The following CLIC4 variants were observed in gnomAD, a reference collection of about 807,000 sequenced individuals.
CLIC4 encodes the protein CLIC family member 4.
Under a neutral mutation model 24.6 loss-of-function variants are expected in CLIC4, and 13 were observed. The observed-to-expected ratio is 0.53, with a 90% CI of 0.34 to 0.84. CLIC4 has a LOEUF of 0.84. Among genes scored for constraint, CLIC4 ranks in the 40% least tolerant of loss-of-function variants. The pLI is 0.01. For missense variants in CLIC4, 227 were observed against 301.7 expected (o/e 0.75, Z 1.83); for synonymous variants, 104 against 111.3 (o/e 0.93, Z 0.41).
Position 24,745,547 on chromosome 1 carries a change from G to A in CLIC4, c.-7G>A, listed in dbSNP as rs549282878. ...CTCGCCGTTCGCGGAGCGCAGCCGA[G>A]CCGGCCATGGCGTTGTCGATGCCGC... is the stretch of plus-strand genomic sequence containing the variant. On this transcript the variant is annotated 5_prime_UTR_variant, in exon 1 of 6. Coordinates refer to ENST00000374379, the MANE Select transcript of CLIC4 (RefSeq NM_013943.3). 1.3e-6 allele frequency: 2 copies of A among 1,583,712 alleles called. No individual in the cohort carries two copies. Among genetic ancestry groups the A allele is most frequent in the Non-Finnish European group, 1.7e-6 (2 of 1,168,420 alleles).
intron 1 of CLIC4, among the ~76,000 whole-genome samples, chr1:24,764,840 G>T (rs1378347777): frequency 6.6e-6 from 1 of 151,998 alleles, no homozygotes; most frequent in Non-Finnish European, 1.5e-5. Flanking sequence ...TCTCACTGCA[G>T]GTTTGTTGTT....
intron 1 of CLIC4, among the ~76,000 whole-genome samples, chr1:24,770,534 G>A (rs1206642459): frequency 1.3e-5 from 2 of 152,014 alleles, no homozygotes; most frequent in African/African-American, 2.4e-5. Flanking sequence ...TAGTCTTATA[G>A]TCTGCCTGCC....
chr1:24,749,532 GTT>G (rs971836609), intron 1 of CLIC4, among the ~76,000 whole-genome samples: 3 of 152,152 alleles, frequency 2.0e-5, no homozygotes, highest in African/African-American at 7.2e-5. Context: ...CTTGTGAGTA[GTT>G]TTTGGAGTTG....
At chr1:24,746,565 A>C (rs1178052151) in intron 1 of CLIC4, among the ~76,000 whole-genome samples, 1 of 152,284 alleles carries the variant, frequency 6.6e-6, no homozygotes, top group South Asian at 2.1e-4. Flanking sequence ...CTTAAAAAAA[A>C]CACTTTGAGC....
chr1:24,809,480 C>A (rs1639589907), intron 2 of CLIC4, among the ~76,000 whole-genome samples: 1 of 151,988 alleles, frequency 6.6e-6, no homozygotes, highest in African/African-American at 2.4e-5. Context: ...TTTAAAAATA[C>A]TATTTTTGGA....
intron 1 of CLIC4, among the ~76,000 whole-genome samples, chr1:24,765,972 C>T (rs1189499450): frequency 2.0e-5 from 3 of 151,560 alleles, no homozygotes; most frequent in South Asian, 4.2e-4. Flanking sequence ...CCATCATGCC[C>T]GGCTAATTTT....
chr1:24,814,622 G>A (rs1639650864), intron 3 of CLIC4, among the ~76,000 whole-genome samples: 1 of 152,194 alleles, frequency 6.6e-6, no homozygotes, highest in South Asian at 2.1e-4. Context: ...TTTGATTTCA[G>A]TTCATTTTAA....
At chr1:24,823,450 G>A (rs2124163418) in intron 3 of CLIC4, among the ~76,000 whole-genome samples, 1 of 152,296 alleles carries the variant, frequency 6.6e-6, no homozygotes, top group Admixed American at 6.5e-5. Context: ...GGAGGGGCAT[G>A]CTATAAAATG....
rs575860545 is a variant in CLIC4, at chr1:24,788,185, G to T, written c.73-9557G>T. The stretch of plus-strand genomic sequence containing the variant: ...TATTTTTTAGTAGAAATGGGGTTTC[G>T]CTATATGTTGGCCAGGCTGATCTCG... On this transcript the variant is annotated intron_variant, in intron 1 of 5. Coordinates refer to ENST00000374379, the MANE Select transcript of CLIC4 (RefSeq NM_013943.3). Among the ~76,000 whole-genome samples, 5 of 151,460 alleles carry T rather than the reference G, an allele frequency of 3.3e-5. No individual in the cohort carries two copies. In the South Asian group the frequency reaches 1.0e-3, roughly 32 times the overall value.
chr1:24,802,057 G>T (rs530833355), intron 2 of CLIC4, among the ~76,000 whole-genome samples: 1 of 152,126 alleles, frequency 6.6e-6, no homozygotes, highest in African/African-American at 2.4e-5. Flanking sequence ...CACCCTTACT[G>T]TGTCCTAAAA....
intron 2 of CLIC4, among the ~76,000 whole-genome samples, chr1:24,800,492 G>A (rs943880682): frequency 1.4e-4 from 21 of 151,524 alleles, no homozygotes; most frequent in African/African-American, 4.6e-4. Flanking sequence ...GAGGTGAGGG[G>A]CGCCTCTGCC....
At chr1:24,753,162 A>C (rs777632390) in intron 1 of CLIC4, among the ~76,000 whole-genome samples, 3 of 152,196 alleles carry the variant, frequency 2.0e-5, no homozygotes, top group African/African-American at 7.2e-5. Context: ...ACTGTTCTAA[A>C]AGAAGTAAAT....
rs1639421329 is a variant in CLIC4 at position 24,797,790 on chromosome 1, CTCT to C, written c.124_126del (p.Phe42del). ...AGGAAACTGCCCCTTTTCCCAGAGG[CTCT>C]TCATGATTCTTTGGCTCAAAGGAGT... On this transcript the variant is annotated inframe_deletion, in exon 2 of 6. Transcript: ENST00000374379. 3.7e-6 allele frequency: 6 copies of C among 1,613,594 alleles called. No homozygotes were observed. The highest frequency in any genetic ancestry group is 5.1e-6 in the Non-Finnish European group (6 of 1,179,828).
chr1:24,801,814 G>A (rs1639492759), intron 2 of CLIC4, among the ~76,000 whole-genome samples: 1 of 152,128 alleles, frequency 6.6e-6, no homozygotes, highest in Non-Finnish European at 1.5e-5. Context: ...AAGCCATAAA[G>A]TCATCAAGGA....
chr1:24,790,494 TG>T (rs1471581049), intron 1 of CLIC4, among the ~76,000 whole-genome samples: 14 of 152,236 alleles, frequency 9.2e-5, no homozygotes, highest in African/African-American at 3.1e-4. Context: ...TAGATGGTAG[TG>T]AGTTTCTTAG....
intron 2 of CLIC4, among the ~76,000 whole-genome samples, chr1:24,800,381 C>T (rs1339307274): frequency 1.4e-5 from 2 of 140,472 alleles, no homozygotes; most frequent in Non-Finnish European, 3.1e-5. Flanking sequence ...CCGCCCCGTC[C>T]GGGAGGGAGG....
rs1571262979 is a variant in CLIC4, at chr1:24,824,125, T to C, written c.309-2885T>C. 2.0e-5 allele frequency among the ~76,000 whole-genome samples: 3 copies of C among 152,236 alleles called. No individual in the cohort carries two copies. In the East Asian group the frequency reaches 5.8e-4, roughly 29 times the overall value. ...ATAATGCATAAATTACAATGTAATG[T>C]TTGGGGAAGATGCAAAAAAGTTGAT... On this transcript the variant is annotated intron_variant, in intron 3 of 5. Transcript: ENST00000374379.
rs368045756 is a variant in CLIC4, at chr1:24,745,654, G to A, written c.72+29G>A. The A allele has an allele frequency of 5.9e-6, 9 of 1,520,928 alleles. No individual in the cohort carries two copies. In the African/African-American group the frequency reaches 1.0e-4, roughly 17 times the overall value. 94.2% of individuals were successfully genotyped at this position (1,520,928 alleles called of 1,614,324 possible). A position where few individuals can be genotyped will look rare whatever the true frequency, so the allele number is the denominator to read the frequency against. ...AGCGCTCGCCTCGCGGTCCCGCCCG[G>A]CAGATCCCCCGGCTCCCTCCCGGCT... On this transcript the variant is annotated intron_variant, in intron 1 of 5. Transcript: ENST00000374379.
At chr1:24,760,055 G>T (rs1354344208) in intron 1 of CLIC4, among the ~76,000 whole-genome samples, 1 of 152,090 alleles carries the variant, frequency 6.6e-6, no homozygotes, top group Non-Finnish European at 1.5e-5. Flanking sequence ...AAATAAAATG[G>T]ATACTTCTTG....
Sources: allele counts gnomAD v4.1 joint callset (sites outside exome capture counted in the v4.1 genomes callset), GRCh38; gene constraint gnomAD v4.1.1; transcripts MANE v1.5; gene names NCBI Gene and HGNC (gene_info 2026-07-23, HGNC 2026-07-21).